CENPP: variants seen among roughly 807,000 people sequenced by gnomAD.
CENPP encodes the protein centromere protein P.
CENPP carries 24 observed loss-of-function variants against 35.6 expected under a neutral mutation model. The ratio of observed to expected loss-of-function variants is 0.67; its 90% CI spans 0.49 to 0.95. CENPP has a LOEUF of 0.95. Among genes scored for constraint, CENPP ranks in the 40% least tolerant of loss-of-function variants. The pLI is 0.00. For synonymous variants in CENPP, 120 were observed against 125.5 expected, an observed-to-expected ratio of 0.96 and a Z score of 0.29; for missense variants, 332 against 345.3, an observed-to-expected ratio of 0.96 and a Z score of 0.31.
At chr9:92,611,452 G>A in intron 6 of CENPP, 59 bp downstream of exon 6, 1 of 1,345,150 alleles carries the variant, frequency 7.4e-7, no homozygotes, top group Non-Finnish European at 1.0e-6. Context: ...ATTCCAAGTA[G>A]GAGACCACCT....
intron 5 of CENPP, among the ~76,000 whole-genome samples, chr9:92,554,279 G>A (rs970660911): frequency 2.4e-4 from 37 of 151,996 alleles, no homozygotes; most frequent in African/African-American, 8.2e-4. Flanking sequence ...TGCCTCCCAG[G>A]TTCAAGTGAT....
At chr9:92,345,095 A>T (rs1841249769) in intron 3 of CENPP, among the ~76,000 whole-genome samples, 1 of 151,844 alleles carries the variant, frequency 6.6e-6, no homozygotes, top group Non-Finnish European at 1.5e-5. Flanking sequence ...ACTAAAAAAT[A>T]CAAAAAAATT....
intron 5 of CENPP, among the ~76,000 whole-genome samples, chr9:92,486,348 C>G (rs774864256): frequency 1.3e-5 from 2 of 152,170 alleles, no homozygotes; most frequent in Non-Finnish European, 2.9e-5. Context: ...CTAGGCACTT[C>G]GGTTTCTAAT....
At position 92,484,350 on chromosome 9, in the gene CENPP, ATGGAATCATACTG is replaced by A. The variant is rs1417680012; in HGVS notation, c.564+104494_564+104506del. Among the ~76,000 whole-genome samples the A allele has an allele frequency of 4.6e-5, 7 of 152,290 alleles. No homozygotes were observed. In the East Asian group the frequency reaches 1.3e-3, roughly 29 times the overall value. On this transcript the variant is annotated intron_variant, in intron 5 of 7. Coordinates refer to ENST00000375587, the MANE Select transcript of CENPP (RefSeq NM_001012267.3). ...AGGTTATTTCCTGAACTTTATATAAATGGAATCATACTGTGCATTCTCTTTTGCATCTGGCTTT... is the reference window on the plus strand; with the variant it reads ...AGGTTATTTCCTGAACTTTATATAAATGCATTCTCTTTTGCATCTGGCTTT...
intron 5 of CENPP, among the ~76,000 whole-genome samples, chr9:92,567,373 G>GATATATATATATATATATATAGAT (rs1554688230): frequency 7.7e-6 from 1 of 129,090 alleles, no homozygotes; most frequent in East Asian, 2.5e-4. Context: ...ACATAAGATA[G>GATATATATATATATATATATAGAT]ATATATATAT....
At chr9:92,350,636 G>A (rs571083727) in intron 4 of CENPP, among the ~76,000 whole-genome samples, 4 of 152,244 alleles carry the variant, frequency 2.6e-5, no homozygotes, top group East Asian at 1.9e-4. Context: ...GCCTTTAAGC[G>A]TGAATGAACT....
chr9:92,514,901 G>A, intron 5 of CENPP: 2 of 1,613,022 alleles, frequency 1.2e-6, no homozygotes, highest in Non-Finnish European at 1.7e-6. Flanking sequence ...TGTTGCTGGT[G>A]TGCCAGCCTC....
chr9:92,392,688 ATTAG>A (rs1483132175), intron 5 of CENPP, among the ~76,000 whole-genome samples: 1 of 152,192 alleles, frequency 6.6e-6, no homozygotes, highest in Non-Finnish European at 1.5e-5. Context: ...TTTAAGAGCC[ATTAG>A]TTAAAGTAAG....
chr9:92,562,349 CG>C (rs1277240709), intron 5 of CENPP, among the ~76,000 whole-genome samples: 1 of 151,752 alleles, frequency 6.6e-6, no homozygotes, highest in Non-Finnish European at 1.5e-5. Context: ...AGATTATAGG[CG>C]CCCACCACCA....
rs367822984 is a variant in CENPP, at chr9:92,611,609, A to C, written c.644+216A>C. On this transcript the variant is annotated intron_variant, in intron 6 of 7. Transcript: ENST00000375587. ...TGCTGGGCCGCAGGGGGAAAACGCC[A>C]GTCCTGGGGCCCACCCCAGGACTTA... Among the ~76,000 whole-genome samples the C allele has an allele frequency of 4.6e-5, 7 of 152,274 alleles. No homozygotes were observed. The East Asian group carries it at 9.7e-4, about 21-fold the overall frequency.
At chr9:92,394,827 G>A (rs1588092404) in intron 5 of CENPP, among the ~76,000 whole-genome samples, 1 of 151,288 alleles carries the variant, frequency 6.6e-6, no homozygotes, top group Admixed American at 6.6e-5. Context: ...GGCTGCTTTC[G>A]AACTCCTGAC....
intron 5 of CENPP, among the ~76,000 whole-genome samples, chr9:92,405,099 A>G (rs1843269439): frequency 6.6e-6 from 1 of 152,138 alleles, no homozygotes. Flanking sequence ...TTTTAGTTAC[A>G]TATAAGAAAA....
At chr9:92,558,270 T>A (rs1849770325) in intron 5 of CENPP, among the ~76,000 whole-genome samples, 1 of 152,214 alleles carries the variant, frequency 6.6e-6, no homozygotes, top group Non-Finnish European at 1.5e-5. Context: ...TTAGGTAGGT[T>A]CTATCAGAGG....
At chr9:92,535,588 T>G (rs888412453) in intron 5 of CENPP, among the ~76,000 whole-genome samples, 1 of 152,262 alleles carries the variant, frequency 6.6e-6, no homozygotes, top group African/African-American at 2.4e-5. Flanking sequence ...GTCTATTATC[T>G]ATTTTCACTT....
intron 5 of CENPP, chr9:92,393,394 C>CCATGA: frequency 1.7e-6 from 1 of 576,384 alleles, no homozygotes; most frequent in Non-Finnish European, 2.9e-6. Context: ...TAACTCGTTA[C>CCATGA]CTATATTGTG....
intron 5 of CENPP, chr9:92,522,437 A>G: frequency 1.7e-5 from 17 of 1,002,292 alleles, no homozygotes; most frequent in Non-Finnish European, 2.2e-5. Flanking sequence ...ACCAAAAAGT[A>G]ATATAATAAC....
chr9:92,470,739 A>G, intron 5 of CENPP: 2 of 1,599,068 alleles, frequency 1.3e-6, no homozygotes, highest in Non-Finnish European at 1.7e-6. Context: ...AAGATCAAGC[A>G]TTCGAGTATC....
chr9:92,382,345 C>CTTAAA (rs969860632), intron 5 of CENPP, among the ~76,000 whole-genome samples: 3 of 152,012 alleles, frequency 2.0e-5, no homozygotes, highest in Admixed American at 2.0e-4. Context: ...TTTCCATCAG[C>CTTAAA]TTAAACATTT....
chr9:92,408,046 G>A (rs779902329), intron 5 of CENPP, among the ~76,000 whole-genome samples: 7 of 152,204 alleles, frequency 4.6e-5, no homozygotes, highest in Non-Finnish European at 1.0e-4. Context: ...AATTCTGATA[G>A]AGACCATATG....
Sources: allele counts gnomAD v4.1 joint callset (sites outside exome capture counted in the v4.1 genomes callset), GRCh38; gene constraint gnomAD v4.1.1; transcripts MANE v1.5; gene names NCBI Gene and HGNC (gene_info 2026-07-23, HGNC 2026-07-21).